Variants in MINDY4 observed in about 807,000 individuals in gnomAD.
The protein encoded by MINDY4 is probable ubiquitin carboxyl-terminal hydrolase MINDY-4.
MINDY4 carries 68 observed loss-of-function variants against 87.0 expected under a neutral mutation model. That is an observed-to-expected ratio of 0.78 (90% CI 0.64 to 0.96). MINDY4 has a LOEUF of 0.96. Among genes scored for constraint, MINDY4 ranks in the 40% least tolerant of loss-of-function variants. MINDY4 has a pLI of 0.00. For synonymous variants in MINDY4, 379 were observed against 363.2 expected (o/e 1.04, Z -0.50); for missense variants, 919 against 928.2 (o/e 0.99, Z 0.13).
intron 5 of MINDY4, among the ~76,000 whole-genome samples, chr7:30,825,666 A>G (rs1750436612): frequency 6.6e-6 from 1 of 152,226 alleles, no homozygotes; most frequent in African/African-American, 2.4e-5. Context: ...TAAGCCACCT[A>G]ACTTCTGTGA....
intron 5 of MINDY4, among the ~76,000 whole-genome samples, chr7:30,811,020 C>T (rs1787980238): frequency 6.6e-6 from 1 of 151,984 alleles, no homozygotes; most frequent in African/African-American, 2.4e-5. Flanking sequence ...ACAGGTACCA[C>T]CCCTAGAATT....
intron 1 of MINDY4, among the ~76,000 whole-genome samples, chr7:30,772,009 A>T (rs1405865327): frequency 6.6e-6 from 1 of 152,392 alleles, no homozygotes; most frequent in East Asian, 1.9e-4. Context: ...TTGACGGTCA[A>T]ACCCTTAGTC....
At chr7:30,868,490 A>C (rs564627846) in intron 13 of MINDY4, among the ~76,000 whole-genome samples, 152 of 152,336 alleles carry the variant, frequency 1.0e-3, no homozygotes, top group African/African-American at 3.5e-3. Flanking sequence ...CAGCCTGCTC[A>C]GTGGCAGAGC....
chr7:30,781,473 CCT>C (rs1271498804), intron 2 of MINDY4: 1 of 153,540 alleles, frequency 6.5e-6, no homozygotes, highest in Non-Finnish European at 1.4e-5. Context: ...GTCCTGACTG[CCT>C]CTCTGTGCTC....
rs1337764679 is a variant in MINDY4 at position 30,791,193 on chromosome 7, G to T, written c.692G>T (p.Arg231Leu). 8 of 1,613,640 alleles carry T rather than the reference G, an allele frequency of 5.0e-6. No homozygotes were observed. In the Admixed American group the frequency reaches 1.0e-4, roughly 20 times the overall value. Reference sequence around the variant, plus strand: ...TCTTTTCACAGACACTATCTGAGACGGTCCTCACCGTCAAGCAGCTCCACC... The same window carrying T: ...TCTTTTCACAGACACTATCTGAGACTGTCCTCACCGTCAAGCAGCTCCACC... ...QDSFHRHYLR[R>L]SSPSSSSTQP... The change falls in exon 5 of 18, where the codon CGG becomes CTG. Residue 231 changes from arginine (R) to leucine (L), a missense_variant. Physicochemically the swap from Arg to Leu is moderately radical, Grantham distance 102 (BLOSUM62 -2). Coordinates refer to ENST00000265299, the MANE Select transcript of MINDY4 (RefSeq NM_032222.3).
At chr7:30,818,204 TA>T (rs1788223083) in intron 5 of MINDY4, among the ~76,000 whole-genome samples, 1 of 152,256 alleles carries the variant, frequency 6.6e-6, no homozygotes, top group Non-Finnish European at 1.5e-5. Flanking sequence ...TTGTATTTTT[TA>T]AATCTCTTGA....
chr7:30,818,991 C>G (rs1788244059), intron 5 of MINDY4, among the ~76,000 whole-genome samples: 1 of 152,098 alleles, frequency 6.6e-6, no homozygotes. Context: ...CAAAGGTTTG[C>G]CTTTTTACTA....
intron 5 of MINDY4, among the ~76,000 whole-genome samples, chr7:30,814,359 A>C (rs115932897): frequency 0.011 from 1,710 of 152,302 alleles, 30 homozygotes; most frequent in African/African-American, 0.039. Flanking sequence ...CAGTTGAGGT[A>C]GACATAATCT....
intron 5 of MINDY4, among the ~76,000 whole-genome samples, chr7:30,815,930 A>G (rs542109654): frequency 6.6e-6 from 1 of 152,204 alleles, no homozygotes; most frequent in Non-Finnish European, 1.5e-5. Context: ...CAGTGCCTCA[A>G]ATATCCAGCA....
rs1410687978 is a variant in MINDY4 at position 30,771,556 on chromosome 7, G to A, written c.63G>A (p.Lys21=). The part of the protein sequence containing the change: ...ASLVREFLSR[K]GLKKTCVTMD... Reference sequence around the variant, plus strand: ...TGGTCAGGGAGTTCCTCAGCAGAAAGGTAACGGCTCGCCCCCTCCAAAGCC... The same window carrying A: ...TGGTCAGGGAGTTCCTCAGCAGAAAAGTAACGGCTCGCCCCCTCCAAAGCC... Residue 21 remains lysine (K), a splice_region_variant and synonymous_variant, in exon 1 of 18, where the codon AAG becomes AAA. Transcript: ENST00000265299. 1 of 1,596,308 alleles carries A rather than the reference G, an allele frequency of 6.3e-7. No individual in the cohort carries two copies. Among genetic ancestry groups the A allele is most frequent in the Non-Finnish European group, 8.5e-7 (1 of 1,172,628 alleles).
At chr7:30,777,480 C>T (rs10229931) in intron 1 of MINDY4, among the ~76,000 whole-genome samples, 42,449 of 152,042 alleles carry the variant, frequency 0.28, 6,939 homozygotes, top group African/African-American at 0.45. Flanking sequence ...CCCTTCCCTA[C>T]GGCCTCCTCT....
chr7:30,823,700 A>G (rs538507657), intron 5 of MINDY4, among the ~76,000 whole-genome samples: 1 of 152,200 alleles, frequency 6.6e-6, no homozygotes, highest in East Asian at 1.9e-4. Flanking sequence ...TTTTTGCTCC[A>G]TCTTGAGTCT....
chr7:30,877,814 G>A (rs532686617), intron 15 of MINDY4, among the ~76,000 whole-genome samples: 1 of 137,840 alleles, frequency 7.3e-6, no homozygotes, highest in African/African-American at 2.7e-5. Flanking sequence ...TGGGATTACA[G>A]GGACATGCTT....
chr7:30,787,897 A>G (rs1562530753), intron 4 of MINDY4, among the ~76,000 whole-genome samples: 1 of 152,208 alleles, frequency 6.6e-6, no homozygotes, highest in East Asian at 1.9e-4. Flanking sequence ...TGTCTATGCT[A>G]TTTACTATAT....
intron 12 of MINDY4, among the ~76,000 whole-genome samples, chr7:30,855,717 G>A (rs1313486136): frequency 6.6e-6 from 1 of 152,258 alleles, no homozygotes; most frequent in Admixed American, 6.5e-5. Flanking sequence ...CAGGGACTGT[G>A]GAAGGGGTTC....
chr7:30,882,377 C>T lies in MINDY4; in HGVS notation c.2152+16C>T. ...CTGACCATTGGTGCGGGCCCTCACC[C>T]CCCCACCCACCCAACCCTGTCCCCA... On this transcript the variant is annotated intron_variant, in intron 16 of 17. Transcript: ENST00000265299. 1 of 1,495,054 alleles carries T rather than the reference C, an allele frequency of 6.7e-7. No individual in the cohort carries two copies. The highest frequency in any genetic ancestry group is 1.4e-5 in the African/African-American group (1 of 70,234). 92.6% of individuals were successfully genotyped at this position (1,495,054 alleles called of 1,614,324 possible).
intron 15 of MINDY4, among the ~76,000 whole-genome samples, chr7:30,877,236 C>T (rs1232539612): frequency 1.3e-5 from 2 of 152,114 alleles, no homozygotes; most frequent in Non-Finnish European, 2.9e-5. Flanking sequence ...GAGAGGCAAC[C>T]TTGGCTAGGC....
intron 9 of MINDY4, among the ~76,000 whole-genome samples, chr7:30,843,920 AT>A (rs1789119574): frequency 6.6e-6 from 1 of 152,080 alleles, no homozygotes. Context: ...GCCAGACCTT[AT>A]GGGGGGGCCT....
chr7:30,782,711 GAAA>G (rs61257966), intron 3 of MINDY4, among the ~76,000 whole-genome samples: 1 of 147,820 alleles, frequency 6.8e-6, no homozygotes, highest in Non-Finnish European at 1.5e-5. Context: ...TCTTAAAAAA[GAAA>G]AAAAAAAGTT....
Sources: gnomAD v4.1 joint callset for allele counts (sites outside exome capture counted in the v4.1 genomes callset) on GRCh38, gnomAD v4.1.1 for gene constraint, MANE v1.5 for transcripts, NCBI Gene and HGNC (gene_info 2026-07-23, HGNC 2026-07-21) for gene names.